TBCEL: variants seen among roughly 807,000 people sequenced by gnomAD.
The protein encoded by TBCEL is tubulin-specific chaperone cofactor E-like protein.
In TBCEL, 15 loss-of-function variants were observed where a neutral mutation model predicts 44.2. The ratio of observed to expected loss-of-function variants is 0.34; its 90% CI spans 0.23 to 0.52. TBCEL has a LOEUF of 0.52. Ranked by LOEUF, TBCEL falls within the 20% of genes least tolerant of loss-of-function variation. The pLI, the probability that TBCEL is intolerant of heterozygous loss-of-function variation, is 0.95. For synonymous variants in TBCEL, 171 were observed against 185.4 expected (o/e 0.92, Z 0.63); for missense variants, 319 against 506.3 (o/e 0.63, Z 3.55).
At chr11:121,041,996 G>A (rs1018013281) in intron 2 of TBCEL, among the ~76,000 whole-genome samples, 2 of 151,328 alleles carry the variant, frequency 1.3e-5, no homozygotes, top group Admixed American at 6.6e-5. Flanking sequence ...AAGCTTTTAA[G>A]TTCCCATGTT....
chr11:121,071,584 C>T (rs539540450), intron 8 of TBCEL, among the ~76,000 whole-genome samples: 1 of 152,248 alleles, frequency 6.6e-6, no homozygotes, highest in Admixed American at 6.5e-5. Context: ...TCTGTTTGTC[C>T]CAAGTAATCC....
rs181127713 is a variant in TBCEL, at chr11:121,080,483, T to C, written c.957-6295T>C. 6.6e-5 allele frequency among the ~76,000 whole-genome samples: 10 copies of C among 152,270 alleles called. No homozygotes were observed. The East Asian group carries it at 1.9e-3, about 29-fold the overall frequency. ...TTTTTCTCTAGGATACTCCTAAAGA[T>C]TGTGAATTTGGAGATTTGATGTCCA... On this transcript the variant is annotated intron_variant, in intron 8 of 8. Transcript: ENST00000683345.
chr11:121,053,088 A>C (rs2134942755), intron 4 of TBCEL, among the ~76,000 whole-genome samples: 1 of 152,010 alleles, frequency 6.6e-6, no homozygotes, highest in South Asian at 2.1e-4. Flanking sequence ...ATGTAGTCAA[A>C]TTTAACACAT....
intron 6 of TBCEL, among the ~76,000 whole-genome samples, chr11:121,055,928 T>C (rs1226457412): frequency 6.6e-6 from 1 of 151,736 alleles, no homozygotes; most frequent in Non-Finnish European, 1.5e-5. Flanking sequence ...CATTTGTACA[T>C]AGCAAATGGT....
chr11:121,045,867 T>C, intron 3 of TBCEL, 44 bp downstream of exon 3: 1 of 1,493,292 alleles, frequency 6.7e-7, no homozygotes. Context: ...TGGAGCTTAC[T>C]TAGGATGTTA....
intron 7 of TBCEL, 118 bp from the exon 8 acceptor site, chr11:121,059,851 C>A: frequency 1.4e-6 from 1 of 706,096 alleles, no homozygotes; most frequent in Non-Finnish European, 2.3e-6. Flanking sequence ...ACAAATGGAA[C>A]TACATCAAAT....
intron 8 of TBCEL, among the ~76,000 whole-genome samples, chr11:121,073,051 T>G (rs1348505574): frequency 6.6e-6 from 1 of 152,080 alleles, no homozygotes; most frequent in African/African-American, 2.4e-5. Context: ...GTAAATTACT[T>G]TATATTAAGT....
At chr11:121,049,738 G>A (rs1424183261) in intron 4 of TBCEL, among the ~76,000 whole-genome samples, 2 of 151,820 alleles carry the variant, frequency 1.3e-5, no homozygotes, top group African/African-American at 4.8e-5. Flanking sequence ...ATGTATATAA[G>A]CTTTTGCTAA....
Position 121,036,627 on chromosome 11 carries a change from A to G in TBCEL, c.-18+15A>G, listed in dbSNP as rs1226148089. On this transcript the variant is annotated intron_variant, in intron 2 of 8. Transcript: ENST00000683345. ...CACACAAACAGGTACTTCAGTCTAA[A>G]TAGTAGTATTGTCTTAATTTTTTTC... The G allele has an allele frequency of 1.3e-5, 2 of 152,212 alleles. No homozygotes were observed. The highest frequency in any genetic ancestry group is 4.8e-5 in the African/African-American group (2 of 41,454). 9.4% of individuals were successfully genotyped at this position (152,212 alleles called of 1,614,324 possible).
At chr11:121,056,464 G>A (rs929837708) in intron 6 of TBCEL, among the ~76,000 whole-genome samples, 3 of 151,794 alleles carry the variant, frequency 2.0e-5, no homozygotes, top group African/African-American at 7.3e-5. Flanking sequence ...AAGTTTTTGT[G>A]TGGACATGAG....
chr11:121,038,413 T>C (rs1267174611), intron 2 of TBCEL, among the ~76,000 whole-genome samples: 1 of 152,146 alleles, frequency 6.6e-6, no homozygotes, highest in Non-Finnish European at 1.5e-5. Context: ...GGGATACTCT[T>C]AGGCTGCAGA....
At chr11:121,058,307 A>C in intron 6 of TBCEL, 38 bp from the exon 7 acceptor site, 1 of 1,601,124 alleles carries the variant, frequency 6.2e-7, no homozygotes, top group Non-Finnish European at 8.5e-7. Context: ...ATTTATGTGC[A>C]TCTCTGGATT....
chr11:121,044,047 C>G (rs1221640411), intron 2 of TBCEL, among the ~76,000 whole-genome samples: 1 of 152,032 alleles, frequency 6.6e-6, no homozygotes, highest in Admixed American at 6.6e-5. Flanking sequence ...AACTAGAAAC[C>G]CTGGGAGTCA....
intron 1 of TBCEL, among the ~76,000 whole-genome samples, chr11:121,026,234 A>G (rs557433614): frequency 1.5e-4 from 23 of 152,242 alleles, no homozygotes; most frequent in Non-Finnish European, 2.6e-4. Flanking sequence ...ATAACTTTCA[A>G]TCAGTTAACA....
intron 1 of TBCEL, among the ~76,000 whole-genome samples, chr11:121,032,776 A>G (rs1945167312): frequency 6.6e-6 from 1 of 152,238 alleles, no homozygotes; most frequent in Admixed American, 6.5e-5. Flanking sequence ...AGCTGAAACA[A>G]GAAGGCGTAG....
chr11:121,045,382 A>G (rs755826372), intron 2 of TBCEL, among the ~76,000 whole-genome samples: 2 of 152,084 alleles, frequency 1.3e-5, no homozygotes, highest in Non-Finnish European at 2.9e-5. Flanking sequence ...GTACCAGCCA[A>G]AAGCCTTCTC....
At chr11:121,086,556 C>T (rs756754413) in intron 8 of TBCEL, among the ~76,000 whole-genome samples, 4 of 152,134 alleles carry the variant, frequency 2.6e-5, no homozygotes, top group Non-Finnish European at 5.9e-5. Context: ...AATTGATTAA[C>T]AGTAGGCATA....
rs1946226988 is a variant in TBCEL at position 121,086,883 on chromosome 11, G to A, written c.1062G>A (p.Val354=). The change falls in exon 9 of 9, where the codon GTG becomes GTA. Residue 354 remains valine, a synonymous_variant. Coordinates refer to ENST00000683345, the MANE Select transcript of TBCEL (RefSeq NM_001363644.2). ...AKVEVHFNDQ[V]EEMSIRLDQT... ...TAGAAGTCCACTTTAACGATCAGGT[G>A]GAAGAAATGAGCATTCGTCTGGACC... The A allele has an allele frequency of 6.2e-7, 1 of 1,614,016 alleles. No homozygotes were observed. Among genetic ancestry groups the A allele is most frequent in the Non-Finnish European group, 8.5e-7 (1 of 1,179,978 alleles).
At chr11:121,061,875 A>G (rs570852593) in intron 8 of TBCEL, among the ~76,000 whole-genome samples, 3 of 151,878 alleles carry the variant, frequency 2.0e-5, no homozygotes, top group African/African-American at 7.2e-5. Context: ...CATTTATACA[A>G]TTTTTTTCTT....
Sources: allele counts gnomAD v4.1 joint callset (sites outside exome capture counted in the v4.1 genomes callset), GRCh38; gene constraint gnomAD v4.1.1; transcripts MANE v1.5; gene names NCBI Gene and HGNC (gene_info 2026-07-23, HGNC 2026-07-21).